Variants in MYO18A observed in about 807,000 individuals in gnomAD.
MYO18A encodes unconventional myosin-XVIIIa.
In MYO18A, 78 loss-of-function variants were observed where a neutral mutation model predicts 235.8. The observed-to-expected ratio is 0.33, with a 90% CI of 0.28 to 0.40. The LOEUF is 0.40. Ranked by LOEUF, MYO18A falls within the 10% of genes least tolerant of loss-of-function variation. The pLI is 1.00. For synonymous variants in MYO18A, 977 were observed against 1,077.8 expected (o/e 0.91, Z 1.83); for missense variants, 2,215 against 2,699.3 (o/e 0.82, Z 3.98).
Position 29,074,487 on chromosome 17 carries a change from C to T in MYO18A, c.*283G>A. ...GCTGGCTCCATGCAGTGCCAGGCCACCTGCCACTGCCCACGGTGACACAGG... is the reference window on the plus strand; with the variant it reads ...GCTGGCTCCATGCAGTGCCAGGCCATCTGCCACTGCCCACGGTGACACAGG... On this transcript the variant is annotated 3_prime_UTR_variant, in exon 42 of 42. Coordinates refer to ENST00000527372, the MANE Select transcript of MYO18A (RefSeq NM_078471.4). This position sits in a 1 kb window ranked among gnomAD's most constrained non-coding sequence, Gnocchi z 4.4. 1 of 576,144 alleles carries T rather than the reference C, an allele frequency of 1.7e-6. No homozygotes were observed. The highest frequency in any genetic ancestry group is 3.2e-6 in the Non-Finnish European group (1 of 316,280). The allele number at this position is 576,144 out of a possible 1,614,324, so 35.7% of individuals were successfully genotyped here. A position where few individuals can be genotyped will look rare whatever the true frequency, so the allele number is the denominator to read the frequency against.
chr17:29,165,507 C>T (rs1459436229), intron 2 of MYO18A: 2 of 165,516 alleles, frequency 1.2e-5, no homozygotes, highest in South Asian at 1.7e-4. Context: ...ATCCCAGCAC[C>T]GTTGAGAAAG....
intron 2 of MYO18A, among the ~76,000 whole-genome samples, chr17:29,147,596 G>T (rs2152939883): frequency 6.6e-6 from 1 of 151,404 alleles, no homozygotes; most frequent in East Asian, 2.0e-4. Context: ...GCTGGAAGGT[G>T]AAAGAACATT....
At chr17:29,138,083 C>CCCG (rs1266640226) in intron 2 of MYO18A, among the ~76,000 whole-genome samples, 1 of 152,150 alleles carries the variant, frequency 6.6e-6, no homozygotes, top group African/African-American at 2.4e-5. Flanking sequence ...GCAGAGCCTA[C>CCCG]CCGCCCTTAA....
chr17:29,152,106 G>C (rs868248766), intron 2 of MYO18A, among the ~76,000 whole-genome samples: 1 of 152,148 alleles, frequency 6.6e-6, no homozygotes, highest in Non-Finnish European at 1.5e-5. Context: ...GAGAGGTTTT[G>C]CTGCAGTAAA....
rs1310882340 is a variant in MYO18A at position 29,118,347 on chromosome 17, C to T, written c.1893+30G>A. 6.3e-7 allele frequency: 1 copy of T among 1,593,936 alleles called. No individual in the cohort carries two copies. The highest frequency in any genetic ancestry group is 2.3e-5 in the East Asian group (1 of 44,276). ...CTTCTCCTACCCCCAAGGCCCAGGG[C>T]TGGCAACCCAGACCCCACAGACCCC... On this transcript the variant is annotated intron_variant, in intron 9 of 41. Coordinates refer to ENST00000527372, the MANE Select transcript of MYO18A (RefSeq NM_078471.4). The surrounding 1 kb of genome is among the most constrained non-coding windows in gnomAD (Gnocchi z 4.2).
Position 29,098,500 on chromosome 17 carries a change from C to A in MYO18A, c.3781-55G>T, listed in dbSNP as rs920594584. ...CCAAAGGCACTGCGAGGGATTGGGG[C>A]CCTGGGTCTGCACCCCTGTAGTGAA... is the stretch of plus-strand genomic sequence containing the variant. On this transcript the variant is annotated intron_variant, in intron 23 of 41. Transcript: ENST00000527372. 1.9e-6 allele frequency: 3 copies of A among 1,594,194 alleles called. No homozygotes were observed. The African/African-American group carries it at 4.0e-5, about 21-fold the overall frequency.
Position 29,111,672 on chromosome 17 carries a change from C to A in MYO18A, c.2740+50G>T. On this transcript the variant is annotated intron_variant, in intron 16 of 41. Transcript: ENST00000527372. This position sits in a 1 kb window ranked among gnomAD's most constrained non-coding sequence, Gnocchi z 5.1. ...TCCCAGGGAGTGCCACCTGGACCCA[C>A]CTGTATGTAAGAGGAAGCAGAGGAG... 1 of 1,612,236 alleles carries A rather than the reference C, an allele frequency of 6.2e-7. No homozygotes were observed. The highest frequency in any genetic ancestry group is 8.5e-7 in the Non-Finnish European group (1 of 1,178,958).
chr17:29,089,002 C>T (rs959996845), intron 37 of MYO18A, among the ~76,000 whole-genome samples: 2 of 146,260 alleles, frequency 1.4e-5, no homozygotes, highest in South Asian at 2.1e-4. Flanking sequence ...GCCATGATTG[C>T]GTCACTGCAC....
intron 2 of MYO18A, among the ~76,000 whole-genome samples, chr17:29,145,253 C>T (rs1483962556): frequency 6.6e-6 from 1 of 152,156 alleles, no homozygotes; most frequent in African/African-American, 2.4e-5. Flanking sequence ...TGGATTTAAC[C>T]AACTGATCTG....
intron 2 of MYO18A, among the ~76,000 whole-genome samples, chr17:29,130,474 CCACACACACACACACACACACACA>C (rs71135871): frequency 9.1e-5 from 13 of 142,140 alleles, no homozygotes; most frequent in South Asian, 2.3e-4. Context: ...GAGGCCTCTC[CCACACACACACACACACACACACA>C]CACACACACA....
rs887962386 is a variant in MYO18A at position 29,158,868 on chromosome 17, G to C, written c.999+7074C>G. Among the ~76,000 whole-genome samples, 2 of 152,178 alleles carry C rather than the reference G, an allele frequency of 1.3e-5. No homozygotes were observed. The highest frequency in any genetic ancestry group is 2.9e-5 in the Non-Finnish European group (2 of 68,036). On this transcript the variant is annotated intron_variant, in intron 2 of 41. Transcript: ENST00000527372. This position sits in a 1 kb window ranked among gnomAD's most constrained non-coding sequence, Gnocchi z 4.3. Reference sequence around the variant, plus strand: ...CCCAGTCAGGGTGTTTGCATATCTGGTATTTTCCAGAACCAGTCCAATGTA... The same window carrying C: ...CCCAGTCAGGGTGTTTGCATATCTGCTATTTTCCAGAACCAGTCCAATGTA...
rs767486793 is a variant in MYO18A, at chr17:29,072,835, G to A, written c.*1935C>T. 1 of 152,212 alleles carries A rather than the reference G, an allele frequency of 6.6e-6. No individual in the cohort carries two copies. Among genetic ancestry groups the A allele is most frequent in the Non-Finnish European group, 1.5e-5 (1 of 68,074 alleles). 9.4% of individuals were successfully genotyped at this position (152,212 alleles called of 1,614,324 possible). ...GGTAGAAGGTAGAAGAGGAGGAGGGGTGTCATTTGTTTCTTGCCTTTCTGC... is the reference window on the plus strand; with the variant it reads ...GGTAGAAGGTAGAAGAGGAGGAGGGATGTCATTTGTTTCTTGCCTTTCTGC... On this transcript the variant is annotated 3_prime_UTR_variant, in exon 42 of 42. Transcript: ENST00000527372.
intron 1 of MYO18A, among the ~76,000 whole-genome samples, chr17:29,178,007 A>C (rs9914276): frequency 0.02 from 3,013 of 152,208 alleles, 87 homozygotes; most frequent in African/African-American, 0.069. Flanking sequence ...TCCCTTTCAC[A>C]TGAGCCCCAG....
At chr17:29,136,322 T>TA (rs1169522689) in intron 2 of MYO18A, among the ~76,000 whole-genome samples, 201 of 129,512 alleles carry the variant, frequency 1.6e-3, no homozygotes, top group South Asian at 5.6e-3. Flanking sequence ...CCACAAAAAT[T>TA]AAAAAAAAAA....
In MYO18A at chr17:29,092,958, T is replaced by G. The variant is rs765579962; in HGVS notation, c.4970A>C (p.Asp1657Ala). Residue 1657 changes from aspartate to alanine, a missense_variant, in exon 33 of 42, where the codon GAC becomes GCC. Asp to Ala is a moderately radical substitution (Grantham distance 126, BLOSUM62 -2). Coordinates refer to ENST00000527372, the MANE Select transcript of MYO18A (RefSeq NM_078471.4). ...CAGCAGGGCCTTGGTGCGCTTCAGG[T>G]CCTTCCGCAGCCGCTTCTCTGACTC... Reference protein sequence around the residue: ...DFESEKRLRKDLKRTKALLAD... With the variant: ...DFESEKRLRKALKRTKALLAD... 1 of 1,613,654 alleles carries G rather than the reference T, an allele frequency of 6.2e-7. No homozygotes were observed. Among genetic ancestry groups the G allele is most frequent in the Admixed American group, 1.7e-5 (1 of 60,014 alleles).
At position 29,158,965 on chromosome 17, in the gene MYO18A, A is replaced by T. The variant is rs997178022; in HGVS notation, c.999+6977T>A. ...TCAGGGCAGGCAGGAAGGGACCATG[A>T]CAGGAAGAGGCAAGGGCAGGCTACC... On this transcript the variant is annotated intron_variant, in intron 2 of 41. Coordinates refer to ENST00000527372, the MANE Select transcript of MYO18A (RefSeq NM_078471.4). This position sits in a 1 kb window ranked among gnomAD's most constrained non-coding sequence, Gnocchi z 4.3. 1.1e-4 allele frequency among the ~76,000 whole-genome samples: 16 copies of T among 152,188 alleles called. No individual in the cohort carries two copies. Among genetic ancestry groups the T allele is most frequent in the African/African-American group, 3.9e-4 (16 of 41,530 alleles).
intron 2 of MYO18A, chr17:29,128,571 A>G: frequency 8.3e-7 from 1 of 1,208,778 alleles, no homozygotes; most frequent in Non-Finnish European, 1.1e-6. Context: ...ACAGGTAGAC[A>G]TTAGCATCAC....
chr17:29,090,625 G>GGTTTT lies in MYO18A; in HGVS notation c.5305-11_5305-10insAAAAC, dbSNP rs1189175915. On this transcript the variant is annotated splice_polypyrimidine_tract_variant and intron_variant, in intron 35 of 41. Transcript: ENST00000527372. ...CCAGGTCCCGGGAAGCCTGGGAAAG[G>GGTTTT]AATGAGAGCATCAGAAGCAGGATCC... The GGTTTT allele has an allele frequency of 6.3e-7, 1 of 1,595,754 alleles. No homozygotes were observed. Among genetic ancestry groups the GGTTTT allele is most frequent in the Non-Finnish European group, 8.5e-7 (1 of 1,170,590 alleles).
intron 37 of MYO18A, among the ~76,000 whole-genome samples, chr17:29,088,135 G>T (rs1462100136): frequency 6.6e-6 from 1 of 150,612 alleles, no homozygotes; most frequent in Non-Finnish European, 1.5e-5. Context: ...CTCACTGCAG[G>T]CTCCGCCCCC....
Sources: allele counts gnomAD v4.1 joint callset (sites outside exome capture counted in the v4.1 genomes callset), GRCh38; gene constraint gnomAD v4.1.1; non-coding constraint Gnocchi (gnomAD v3.1); transcripts MANE v1.5; gene names NCBI Gene and HGNC (gene_info 2026-07-23, HGNC 2026-07-21).